STAT3: variants seen among roughly 807,000 people sequenced by gnomAD.
STAT3 encodes the protein signal transducer and activator of transcription 3.
A neutral mutation model predicts 114.3 loss-of-function variants in STAT3; 7 were observed. That is an observed-to-expected ratio of 0.06 (90% confidence interval 0.03 to 0.11). STAT3 has a LOEUF of 0.11. STAT3 is among the 10% of genes least tolerant of loss of function. STAT3 has a pLI of 1.00. For synonymous variants in STAT3, 331 were observed against 354.5 expected, an observed-to-expected ratio of 0.93 and a Z score of 0.74; for missense variants, 364 against 960.9, an observed-to-expected ratio of 0.38 and a Z score of 8.21.
intron 1 of STAT3, among the ~76,000 whole-genome samples, chr17:42,352,765 A>AG (rs1337244867): frequency 6.6e-6 from 1 of 152,204 alleles, no homozygotes; most frequent in Non-Finnish European, 1.5e-5. Flanking sequence ...CAATTTATGT[A>AG]GATTCTATTG....
intron 8 of STAT3, 96 bp from the exon 9 acceptor site, chr17:42,334,145 A>G (rs2082134346): frequency 7.2e-7 from 1 of 1,395,918 alleles, no homozygotes; most frequent in Admixed American, 1.8e-5. Context: ...GGAGACCACT[A>G]CAATAAGAAC....
chr17:42,363,409 A>G (rs1231248388), intron 1 of STAT3, among the ~76,000 whole-genome samples: 1 of 152,100 alleles, frequency 6.6e-6, no homozygotes, highest in Non-Finnish European at 1.5e-5. Flanking sequence ...TACTCAGCCA[A>G]CTTTAGCCCC....
chr17:42,356,723 C>T (rs1450458141), intron 1 of STAT3, among the ~76,000 whole-genome samples: 1 of 152,094 alleles, frequency 6.6e-6, no homozygotes, highest in Non-Finnish European at 1.5e-5. Flanking sequence ...CTGTTTTGGC[C>T]TCCCAAAGTG....
chr17:42,316,877 G>C lies in STAT3; in HGVS notation c.2169C>G (p.Asp723Glu), dbSNP rs775171412. 7.4e-6 allele frequency: 12 copies of C among 1,612,734 alleles called. No individual in the cohort carries two copies. The highest frequency in any genetic ancestry group is 1.1e-5 in the South Asian group (1 of 91,020). Reference sequence around the variant, plus strand: ...CTAAAGTGCGGGGGGACATCGGCAGGTCAATGGTATTGCTGCAGGTCGTTC... The same window carrying C: ...CTAAAGTGCGGGGGGACATCGGCAGCTCAATGGTATTGCTGCAGGTCGTTC... ...VTPTTCSNTI[D>E]LPMSPRTLDS... Residue 723 changes from aspartate to glutamate, a missense_variant, in exon 23 of 24, where the codon GAC becomes GAG. By Grantham distance (45) the Asp-to-Glu change is conservative (BLOSUM62 2). This residue lies in a region of STAT3 where 37 missense variants were observed against 66.5 expected (regional missense o/e 0.56). Coordinates refer to ENST00000264657, the MANE Select transcript of STAT3 (RefSeq NM_139276.3).
At chr17:42,334,362 C>T (rs1840251468) in intron 8 of STAT3, among the ~76,000 whole-genome samples, 1 of 151,594 alleles carries the variant, frequency 6.6e-6, no homozygotes, top group Non-Finnish European at 1.5e-5. Context: ...CTCACTGCAA[C>T]CTCCATTTCC....
At chr17:42,341,617 C>T (rs961221349) in intron 4 of STAT3, among the ~76,000 whole-genome samples, 2 of 152,174 alleles carry the variant, frequency 1.3e-5, no homozygotes, top group African/African-American at 4.8e-5. Flanking sequence ...TTAACCAATT[C>T]TAGACACTTA....
At chr17:42,345,387 T>C in intron 4 of STAT3, 172 bp downstream of exon 4, 1 of 630,204 alleles carries the variant, frequency 1.6e-6, no homozygotes, top group Non-Finnish European at 2.7e-6. Flanking sequence ...CAATGTATTT[T>C]GGGGGGTGGA....
At chr17:42,353,358 AAAAG>A (rs200239374) in intron 1 of STAT3, among the ~76,000 whole-genome samples, 7,567 of 146,662 alleles carry the variant, frequency 0.052, 239 homozygotes, top group Non-Finnish European at 0.067. Flanking sequence ...AAAAAAAAAA[AAAAG>A]AAAGAAAGAA....
At chr17:42,384,175 C>G (rs1391920553) in intron 1 of STAT3, among the ~76,000 whole-genome samples, 2 of 148,130 alleles carry the variant, frequency 1.4e-5, no homozygotes, top group Admixed American at 1.4e-4. Flanking sequence ...GTCGCCCAGG[C>G]TGGAGTGCAG....
In STAT3 at chr17:42,353,544, A is replaced by G. The variant is rs1173386402; in HGVS notation, c.-23-5005T>C. On this transcript the variant is annotated intron_variant, in intron 1 of 23. Coordinates refer to ENST00000264657, the MANE Select transcript of STAT3 (RefSeq NM_139276.3). ...AAAAAAAGAACCAACTGCTTTTTGTAATAAACTCCAGTGTTTAAAATTAAT... is the reference window on the plus strand; with the variant it reads ...AAAAAAAGAACCAACTGCTTTTTGTGATAAACTCCAGTGTTTAAAATTAAT... 2.0e-5 allele frequency among the ~76,000 whole-genome samples: 3 copies of G among 152,152 alleles called. No homozygotes were observed. In the East Asian group the frequency reaches 5.8e-4, roughly 29 times the overall value.
chr17:42,318,650 C>T (rs1209401503), intron 21 of STAT3, among the ~76,000 whole-genome samples: 1 of 152,054 alleles, frequency 6.6e-6, no homozygotes, highest in Non-Finnish European at 1.5e-5. Context: ...GGTGAACAAA[C>T]CATTGAGAAG....
At chr17:42,322,866 A>C in intron 20 of STAT3, 138 bp downstream of exon 20, 1 of 1,230,908 alleles carries the variant, frequency 8.1e-7, no homozygotes, top group South Asian at 1.3e-5. Context: ...AGTCACGCAA[A>C]TGTGTTTTGC....
At chr17:42,358,006 G>A (rs2083309833) in intron 1 of STAT3, among the ~76,000 whole-genome samples, 1 of 152,028 alleles carries the variant, frequency 6.6e-6, no homozygotes, top group African/African-American at 2.4e-5. Flanking sequence ...ACATATAACA[G>A]GATTTGCTTT....
At chr17:42,378,446 C>G (rs2084594445) in intron 1 of STAT3, among the ~76,000 whole-genome samples, 1 of 152,058 alleles carries the variant, frequency 6.6e-6, no homozygotes, top group African/African-American at 2.4e-5. Context: ...AGGATTTCAC[C>G]AAGTCGGCAA....
At chr17:42,382,889 G>A (rs184623714) in intron 1 of STAT3, among the ~76,000 whole-genome samples, 44 of 151,954 alleles carry the variant, frequency 2.9e-4, no homozygotes, top group African/African-American at 1.1e-3. Flanking sequence ...CTCGTGATCC[G>A]CCCACAGCCT....
At chr17:42,365,804 C>G (rs765387996) in intron 1 of STAT3, among the ~76,000 whole-genome samples, 1 of 151,460 alleles carries the variant, frequency 6.6e-6, no homozygotes, top group Non-Finnish European at 1.5e-5. Flanking sequence ...TACAGGTGCC[C>G]GGTACAACGC....
chr17:42,331,480 G>A lies in STAT3; in HGVS notation c.1101C>T (p.Cys367=), dbSNP rs886052942. 12 of 1,613,370 alleles carry A rather than the reference G, an allele frequency of 7.4e-6. No individual in the cohort carries two copies. Among genetic ancestry groups the A allele is most frequent in the Non-Finnish European group, 1.0e-5 (12 of 1,179,490 alleles). ...ELNYQLKIKV[C]IDKDSGDVAA... is the part of the protein sequence containing the mutation. ...AAGATAGGAGTACTTACTTGTCAAT[G>A]CACACTTTAATTTTAAGCTGATAAT... The change falls in exon 11 of 24, where the codon TGC becomes TGT. Residue 367 remains cysteine (C), a synonymous_variant. Coordinates refer to ENST00000264657, the MANE Select transcript of STAT3 (RefSeq NM_139276.3).
intron 11 of STAT3, among the ~76,000 whole-genome samples, chr17:42,330,324 C>T (rs545241875): frequency 5.9e-5 from 9 of 151,848 alleles, no homozygotes; most frequent in Non-Finnish European, 1.2e-4. Flanking sequence ...CCATGTTGGT[C>T]GGGCTGGTTT....
chr17:42,313,548 AG>A lies in STAT3; in HGVS notation c.*2196del. 4.3e-6 allele frequency: 1 copy of A among 230,844 alleles called. No homozygotes were observed. The highest frequency in any genetic ancestry group is 6.1e-5 in the East Asian group (1 of 16,386). The allele number at this position is 230,844 out of a possible 1,614,324, so 14.3% of individuals were successfully genotyped here. A position where few individuals can be genotyped will look rare whatever the true frequency, so the allele number is the denominator to read the frequency against. On this transcript the variant is annotated 3_prime_UTR_variant, in exon 24 of 24. Transcript: ENST00000264657. ...TCCCTCGGCTGGGCTGGGGATGGGG[AG>A]GGGGCAGTGGACAGGAAGCGGGCAG...
Sources: gnomAD v4.1 joint callset for allele counts (sites outside exome capture counted in the v4.1 genomes callset) on GRCh38, gnomAD v4.1.1 for gene constraint, gnomAD v4.1.1 regional missense constraint, MANE v1.5 for transcripts, NCBI Gene and HGNC (gene_info 2026-07-23, HGNC 2026-07-21) for gene names.